TMPRSS6: variants seen among roughly 807,000 people sequenced by gnomAD.
The protein encoded by TMPRSS6 is transmembrane serine protease 6, also known as transmembrane protease serine 6.
A neutral mutation model predicts 101.5 loss-of-function variants in TMPRSS6; 67 were observed. The observed-to-expected ratio is 0.66, with a 90% CI of 0.54 to 0.81. The LOEUF is 0.81. Among genes scored for constraint, TMPRSS6 ranks in the 30% least tolerant of loss-of-function variants. The probability of loss-of-function intolerance (pLI) is 0.00; values close to 1 mark genes in which losing one functional copy is unlikely to be tolerated. For synonymous variants in TMPRSS6, 453 were observed against 464.9 expected (o/e 0.97, Z 0.33); for missense variants, 1,034 against 1,088.7 (o/e 0.95, Z 0.71).
intron 6 of TMPRSS6, among the ~76,000 whole-genome samples, chr22:37,093,321 G>A (rs564087951): frequency 7.0e-4 from 105 of 149,690 alleles, no homozygotes; most frequent in African/African-American, 1.9e-3. Context: ...CTATTACATA[G>A]CACTTCTATT....
chr22:37,075,949 AGAAG>A (rs1321898152), intron 10 of TMPRSS6, among the ~76,000 whole-genome samples: 10 of 150,566 alleles, frequency 6.6e-5, no homozygotes, highest in Middle Eastern at 3.2e-3. Flanking sequence ...AGGGAGGGAA[AGAAG>A]GAAGGAAGGG....
rs747972745 is a variant in TMPRSS6, at chr22:37,103,556, C to G, written c.-1-138G>C. The G allele has an allele frequency of 1.2e-5, 20 of 1,613,768 alleles. No individual in the cohort carries two copies. Among genetic ancestry groups the G allele is most frequent in the Non-Finnish European group, 3.4e-6 (4 of 1,180,022 alleles). On this transcript the variant is annotated intron_variant, in intron 1 of 17. Transcript: ENST00000676104. This position sits in a 1 kb window ranked among gnomAD's most constrained non-coding sequence, Gnocchi z 4.4. ...TAACAACATCAGGCGGCAGTGACTG[C>G]AAGTGGGTGCCGAGACAGCTCACAG...
At chr22:37,085,362 TG>T (rs746834064) in intron 8 of TMPRSS6, among the ~76,000 whole-genome samples, 4 of 152,134 alleles carry the variant, frequency 2.6e-5, no homozygotes, top group Admixed American at 1.3e-4. Context: ...GCCTCGAGCC[TG>T]TGTCAGACTC....
chr22:37,089,190 C>T (rs766993477), intron 7 of TMPRSS6, among the ~76,000 whole-genome samples: 2 of 152,164 alleles, frequency 1.3e-5, no homozygotes, highest in Non-Finnish European at 2.9e-5. Context: ...CCACCAGAAG[C>T]CTGGGAAGCA....
At chr22:37,066,765 C>T in intron 17 of TMPRSS6, 61 bp downstream of exon 17, 2 of 1,611,324 alleles carry the variant, frequency 1.2e-6, no homozygotes, top group Non-Finnish European at 1.7e-6. Context: ...GGGCCAGACC[C>T]TGGTGATGTG....
At chr22:37,088,627 A>G (rs937131121) in intron 7 of TMPRSS6, among the ~76,000 whole-genome samples, 3 of 151,304 alleles carry the variant, frequency 2.0e-5, no homozygotes, top group Middle Eastern at 6.3e-3. Flanking sequence ...CTGCCCTCTG[A>G]TCCTGATCAC....
At position 37,069,055 on chromosome 22, in the gene TMPRSS6, C is replaced by G; in HGVS notation, c.2113+18G>C. On this transcript the variant is annotated intron_variant, in intron 16 of 17. Coordinates refer to ENST00000676104, the MANE Select transcript of TMPRSS6 (RefSeq NM_001374504.1). The surrounding 1 kb of genome is among the most constrained non-coding windows in gnomAD (Gnocchi z 4.8). The stretch of plus-strand genomic sequence containing the variant: ...CACGGTCTCCCTCCGCCTCCCGCCG[C>G]AAGTCCCCGCTGCTCACCGCCCTCG... 2.0e-6 allele frequency: 3 copies of G among 1,536,664 alleles called. No individual in the cohort carries two copies. The highest frequency in any genetic ancestry group is 2.6e-6 in the Non-Finnish European group (3 of 1,147,222).
chr22:37,065,791 A>G lies in TMPRSS6; in HGVS notation c.*289T>C, dbSNP rs200203301. 2.0e-5 allele frequency: 10 copies of G among 495,070 alleles called. No homozygotes were observed. The highest frequency in any genetic ancestry group is 3.6e-5 in the East Asian group (1 of 27,502). 30.7% of individuals were successfully genotyped at this position (495,070 alleles called of 1,614,324 possible). A position where few individuals can be genotyped will look rare whatever the true frequency, so the allele number is the denominator to read the frequency against. On this transcript the variant is annotated 3_prime_UTR_variant, in exon 18 of 18. Coordinates refer to ENST00000676104, the MANE Select transcript of TMPRSS6 (RefSeq NM_001374504.1). Reference sequence around the variant, plus strand: ...TCTTGCTGCTGAGCCACTGCCTTGCATTAGGCAGCAGTGGAGGAAGGGGAC... The same window carrying G: ...TCTTGCTGCTGAGCCACTGCCTTGCGTTAGGCAGCAGTGGAGGAAGGGGAC...
chr22:37,068,098 TC>T (rs1271509214), intron 16 of TMPRSS6, among the ~76,000 whole-genome samples: 3 of 152,298 alleles, frequency 2.0e-5, no homozygotes, highest in African/African-American at 7.2e-5. Flanking sequence ...TCTCCACTGT[TC>T]CTGCATCTCC....
Position 37,103,513 on chromosome 22 carries a change from C to A in TMPRSS6, c.-1-95G>T, listed in dbSNP as rs1174798048. ...GGGGCACGGAAGCAGGACTTCCCTG[C>A]CTTTTGGAGTGGAAGAGTAACAACA... On this transcript the variant is annotated intron_variant, in intron 1 of 17. Coordinates refer to ENST00000676104, the MANE Select transcript of TMPRSS6 (RefSeq NM_001374504.1). This position sits in a 1 kb window ranked among gnomAD's most constrained non-coding sequence, Gnocchi z 4.4. 1.2e-6 allele frequency: 2 copies of A among 1,614,182 alleles called. No homozygotes were observed. The highest frequency in any genetic ancestry group is 1.3e-5 in the African/African-American group (1 of 75,048).
chr22:37,089,129 C>T (rs532114110), intron 7 of TMPRSS6, among the ~76,000 whole-genome samples: 7 of 152,246 alleles, frequency 4.6e-5, no homozygotes, highest in South Asian at 4.1e-4. Flanking sequence ...CACGAGGGCC[C>T]GGCAGTGAAG....
chr22:37,078,527 G>A (rs188516086), intron 10 of TMPRSS6, among the ~76,000 whole-genome samples: 3 of 152,278 alleles, frequency 2.0e-5, no homozygotes, highest in South Asian at 2.1e-4. Flanking sequence ...CTTAGAAAGC[G>A]CCAGAGAGGA....
rs892865590 is a variant in TMPRSS6, at chr22:37,070,635, G to C, written c.1690C>G (p.Pro564Ala). The change falls in exon 15 of 18, where the codon CCC becomes GCC. Residue 564 changes from proline (P) to alanine (A), a missense_variant. By Grantham distance (27) the Pro-to-Ala change is conservative. Coordinates refer to ENST00000676104, the MANE Select transcript of TMPRSS6 (RefSeq NM_001374504.1). ...GCTCCACCAACAATGCGGCTGGAGG[G>C]GCCCTGGAGGCCACAGTCTGGGGAT... Reference protein sequence around the residue: ...EEHCDCGLQGPSSRIVGGAVS... With the variant: ...EEHCDCGLQGASSRIVGGAVS... The C allele has an allele frequency of 1.2e-6, 2 of 1,612,876 alleles. No homozygotes were observed. The highest frequency in any genetic ancestry group is 1.7e-6 in the Non-Finnish European group (2 of 1,179,954).
At chr22:37,110,150 T>C (rs2146206176), upstream of TMPRSS6, among the ~76,000 whole-genome samples, 1 of 148,244 alleles carries the variant, frequency 6.7e-6, no homozygotes, top group African/African-American at 2.5e-5. Context: ...TTTTTTTTTT[T>C]TTTTTTTTTT....
rs763907245 is a variant in TMPRSS6, at chr22:37,084,678, T to C, written c.1086+49A>G. On this transcript the variant is annotated intron_variant, in intron 9 of 17. Coordinates refer to ENST00000676104, the MANE Select transcript of TMPRSS6 (RefSeq NM_001374504.1). Reference sequence around the variant, plus strand: ...CTCATCCCGGGTCACCAGGGACCTGTAGTGTGCTTGCGGCAGAGGGCAGGT... The same window carrying C: ...CTCATCCCGGGTCACCAGGGACCTGCAGTGTGCTTGCGGCAGAGGGCAGGT... 6 of 1,446,616 alleles carry C rather than the reference T, an allele frequency of 4.1e-6. No homozygotes were observed. In the Admixed American group the frequency reaches 5.9e-5, roughly 14 times the overall value. The allele number at this position is 1,446,616 out of a possible 1,614,324, so 89.6% of individuals were successfully genotyped here. A position where few individuals can be genotyped will look rare whatever the true frequency, so the allele number is the denominator to read the frequency against.
At chr22:37,070,796 G>C in intron 14 of TMPRSS6, 120 bp downstream of exon 14, 4 of 1,310,300 alleles carry the variant, frequency 3.1e-6, no homozygotes, top group Non-Finnish European at 4.4e-6. Context: ...CCCAGGCAAG[G>C]GGGCAGAGGA....
At chr22:37,106,844 C>T (rs556873811) in intron 1 of TMPRSS6, among the ~76,000 whole-genome samples, 26 of 152,340 alleles carry the variant, frequency 1.7e-4, no homozygotes, top group African/African-American at 6.3e-4. Context: ...CTGAGTCCCC[C>T]TGCCTGGACT....
intron 2 of TMPRSS6, among the ~76,000 whole-genome samples, chr22:37,102,542 A>AGGCCTGGATGAATG (rs1930413352): frequency 6.6e-6 from 1 of 152,204 alleles, no homozygotes; most frequent in Admixed American, 6.5e-5. Flanking sequence ...GAATGAACGG[A>AGGCCTGGATGAATG]GGCCTGGATG....
intron 10 of TMPRSS6, among the ~76,000 whole-genome samples, chr22:37,079,275 G>A (rs1235979332): frequency 1.3e-5 from 2 of 152,222 alleles, no homozygotes; most frequent in Non-Finnish European, 2.9e-5. Context: ...ACAAAGTACT[G>A]AGTGTCTGAA....
Sources: allele counts gnomAD v4.1 joint callset (sites outside exome capture counted in the v4.1 genomes callset), GRCh38; gene constraint gnomAD v4.1.1; non-coding constraint Gnocchi (gnomAD v3.1); transcripts MANE v1.5; gene names NCBI Gene and HGNC (gene_info 2026-07-23, HGNC 2026-07-21).